Variants in UBE3C observed in about 807,000 individuals in gnomAD.
UBE3C encodes ubiquitin protein ligase E3C, also known as ubiquitin-protein ligase E3C.
In UBE3C, 42 loss-of-function variants were observed where a neutral mutation model predicts 129.4. The ratio of observed to expected loss-of-function variants is 0.32; its 90% CI spans 0.25 to 0.42. The LOEUF (loss-of-function observed/expected upper bound fraction) is 0.42. Among genes scored for constraint, UBE3C ranks in the 10% least tolerant of loss-of-function variants. The pLI is 1.00. For synonymous variants in UBE3C, 510 were observed against 492.4 expected (o/e 1.04, Z -0.47); for missense variants, 1,049 against 1,319.1 (o/e 0.80, Z 3.17).
chr7:157,232,120 C>T (rs1274065213), intron 18 of UBE3C, among the ~76,000 whole-genome samples: 1 of 152,006 alleles, frequency 6.6e-6, no homozygotes, highest in Admixed American at 6.6e-5. Flanking sequence ...TGGACTTCTC[C>T]CTGAGTGTCT....
intron 22 of UBE3C, among the ~76,000 whole-genome samples, chr7:157,266,257 T>G (rs1265487696): frequency 6.6e-6 from 1 of 152,156 alleles, no homozygotes; most frequent in Non-Finnish European, 1.5e-5. Flanking sequence ...GATGTTGCAG[T>G]AAGCCGAGAT....
chr7:157,174,188 C>T (rs1055697458), intron 4 of UBE3C, among the ~76,000 whole-genome samples: 6 of 152,064 alleles, frequency 3.9e-5, no homozygotes, highest in African/African-American at 1.4e-4. Flanking sequence ...CATGGCAAAC[C>T]CCGCCCCTAC....
At chr7:157,223,223 G>A (rs772257438) in intron 15 of UBE3C, 31 bp from the exon 16 acceptor site, 1 of 1,605,054 alleles carries the variant, frequency 6.2e-7, no homozygotes, top group South Asian at 1.1e-5. Flanking sequence ...AAGTACAAGT[G>A]AACTAATTAA....
intron 1 of UBE3C, among the ~76,000 whole-genome samples, chr7:157,142,574 C>T (rs140657000): frequency 1.5e-3 from 222 of 152,132 alleles, no homozygotes; most frequent in African/African-American, 4.9e-3. Context: ...GTTCGTGGAG[C>T]GGGGTGTGTG....
rs371336791 is a variant in UBE3C, at chr7:157,207,402, A to G, written c.1423A>G (p.Met475Val). 26 of 1,611,480 alleles carry G rather than the reference A, an allele frequency of 1.6e-5. No individual in the cohort carries two copies. Among genetic ancestry groups the G allele is most frequent in the African/African-American group, 8.0e-5 (6 of 74,772 alleles). Residue 475 changes from methionine to valine, a missense_variant, in exon 12 of 23, where the codon ATG (methionine) becomes GTG (valine). Physicochemically the swap from Met to Val is conservative, Grantham distance 21. Coordinates refer to ENST00000348165, the MANE Select transcript of UBE3C (RefSeq NM_014671.3). ...SMSTRMITGS[M>V]VPLLQVISRG... ...TCTTCTTTTCTTTAATTCAAGGTCT[A>G]TGGTACCGTTGCTTCAGGTGATATC...
At chr7:157,177,398 C>T (rs553475435) in intron 5 of UBE3C, among the ~76,000 whole-genome samples, 1 of 152,214 alleles carries the variant, frequency 6.6e-6, no homozygotes, top group Non-Finnish European at 1.5e-5. Flanking sequence ...CCCGATAAAC[C>T]TGGAGCTACA....
chr7:157,185,290 G>A (rs550767037), intron 9 of UBE3C, among the ~76,000 whole-genome samples: 2 of 152,234 alleles, frequency 1.3e-5, no homozygotes, highest in African/African-American at 4.8e-5. Flanking sequence ...GCTCTCACTC[G>A]TGCTCACACT....
chr7:157,259,396 A>G lies in UBE3C; in HGVS notation c.3081+2352A>G, dbSNP rs576026319. On this transcript the variant is annotated intron_variant, in intron 22 of 22. Transcript: ENST00000348165. ...AGAATGTTCGTCAATGTGATGTCGC[A>G]GCCCCACCGTTGGGAGTGTACAGAT... is the stretch of plus-strand genomic sequence containing the variant. 3.3e-5 allele frequency among the ~76,000 whole-genome samples: 5 copies of G among 152,378 alleles called. No individual in the cohort carries two copies. The East Asian group carries it at 9.6e-4, about 29-fold the overall frequency.
chr7:157,261,140 T>G (rs1320799891), intron 22 of UBE3C, among the ~76,000 whole-genome samples: 2 of 150,956 alleles, frequency 1.3e-5, no homozygotes, highest in Non-Finnish European at 3.0e-5. Flanking sequence ...CCGCCTCTAC[T>G]AAATACAAAA....
At chr7:157,159,336 A>C (rs1163893646) in intron 1 of UBE3C, among the ~76,000 whole-genome samples, 1 of 151,702 alleles carries the variant, frequency 6.6e-6, no homozygotes, top group Non-Finnish European at 1.5e-5. Context: ...AAAAAAAAAA[A>C]CAGAATTAGG....
chr7:157,149,499 G>A (rs1380940335), intron 1 of UBE3C, among the ~76,000 whole-genome samples: 3 of 152,116 alleles, frequency 2.0e-5, no homozygotes, highest in Admixed American at 6.5e-5. Context: ...CAGTATTTAA[G>A]GAGGCACTTA....
intron 1 of UBE3C, among the ~76,000 whole-genome samples, chr7:157,145,847 C>T (rs1807590254): frequency 6.6e-6 from 1 of 152,202 alleles, no homozygotes; most frequent in South Asian, 2.1e-4. Context: ...CCGCTGCACG[C>T]TGTTTCCTTT....
chr7:157,264,170 T>C (rs565769718), intron 22 of UBE3C, among the ~76,000 whole-genome samples: 2 of 146,936 alleles, frequency 1.4e-5, no homozygotes, highest in African/African-American at 5.1e-5. Context: ...TGAGCCAACA[T>C]GTTCGGCCTG....
At chr7:157,177,254 T>A (rs1808542866) in intron 5 of UBE3C, among the ~76,000 whole-genome samples, 1 of 152,232 alleles carries the variant, frequency 6.6e-6, no homozygotes, top group Non-Finnish European at 1.5e-5. Flanking sequence ...TTACTAATGA[T>A]GACGGGTGTT....
chr7:157,156,592 A>C (rs560312233), intron 1 of UBE3C, among the ~76,000 whole-genome samples: 1 of 151,890 alleles, frequency 6.6e-6, no homozygotes, highest in East Asian at 1.9e-4. Context: ...AGGCATGAGC[A>C]CCGCATCCGG....
chr7:157,201,886 G>GT, intron 11 of UBE3C, 79 bp downstream of exon 11: 1 of 1,190,940 alleles, frequency 8.4e-7, no homozygotes, highest in Non-Finnish European at 1.2e-6. Context: ...GCCAGAACCT[G>GT]TTTTTAAGTC....
chr7:157,263,908 C>T (rs917979783), intron 22 of UBE3C, among the ~76,000 whole-genome samples: 4 of 151,942 alleles, frequency 2.6e-5, no homozygotes, highest in Non-Finnish European at 4.4e-5. Context: ...TATCTACCTA[C>T]ATGAGTGTGT....
chr7:157,174,882 C>T (rs760370872), intron 4 of UBE3C, 37 bp from the exon 5 acceptor site: 1 of 1,488,040 alleles, frequency 6.7e-7, no homozygotes, highest in African/African-American at 1.4e-5. Context: ...ATTAAATTTT[C>T]ATTGAGAGTT....
At chr7:157,198,300 G>A in intron 10 of UBE3C, 2 of 866,662 alleles carry the variant, frequency 2.3e-6, no homozygotes, top group South Asian at 2.6e-5. Flanking sequence ...GCAGCTTTAG[G>A]TCTGTCAGAC....
Sources: gnomAD v4.1 joint callset for allele counts (sites outside exome capture counted in the v4.1 genomes callset) on GRCh38, gnomAD v4.1.1 for gene constraint, MANE v1.5 for transcripts, NCBI Gene and HGNC (gene_info 2026-07-23, HGNC 2026-07-21) for gene names.